The following BAZ2B variants were observed in gnomAD, a reference collection of about 807,000 sequenced individuals.
The protein encoded by BAZ2B is bromodomain adjacent to zinc finger domain 2B.
A neutral mutation model predicts 246.0 loss-of-function variants in BAZ2B; 91 were observed. The observed-to-expected ratio is 0.37, with a 90% CI of 0.31 to 0.44. The LOEUF (loss-of-function observed/expected upper bound fraction) is 0.44, where lower values mean the gene tolerates loss of function less well. Among genes scored for constraint, BAZ2B ranks in the 20% least tolerant of loss-of-function variants. BAZ2B has a pLI of 1.00. For synonymous variants in BAZ2B, 855 were observed against 860.0 expected, an observed-to-expected ratio of 0.99 and a Z score of 0.10; for missense variants, 2,332 against 2,533.7, an observed-to-expected ratio of 0.92 and a Z score of 1.71.
intron 1 of BAZ2B, among the ~76,000 whole-genome samples, chr2:159,572,696 TATAG>T (rs1471344764): frequency 3.3e-5 from 5 of 152,208 alleles, no homozygotes; most frequent in Non-Finnish European, 7.3e-5. Flanking sequence ...AATTTTTCCA[TATAG>T]ATAGTGCTTG....
the BAZ2B span, among the ~76,000 whole-genome samples, chr2:159,679,204 G>A: frequency 1.1e-4 from 17 of 148,878 alleles, no homozygotes; most frequent in African/African-American, 2.3e-4. Flanking sequence ...GCTGGGAGGC[G>A]GAGCTTGCAA....
intron 6 of BAZ2B, among the ~76,000 whole-genome samples, chr2:159,440,455 G>A (rs1389447460): frequency 6.7e-6 from 1 of 150,072 alleles, no homozygotes; most frequent in Admixed American, 6.6e-5. Flanking sequence ...ATTGATTCAG[G>A]TAACATTCAT....
intron 2 of BAZ2B, among the ~76,000 whole-genome samples, chr2:159,485,634 G>A (rs975606293): frequency 1.3e-5 from 2 of 152,088 alleles, no homozygotes; most frequent in South Asian, 2.1e-4. Flanking sequence ...AAAAAATTAT[G>A]AGATTGAATT....
At chr2:159,634,039 C>T in the BAZ2B span, among the ~76,000 whole-genome samples, 1 of 152,064 alleles carries the variant, frequency 6.6e-6, no homozygotes, top group African/African-American at 2.4e-5. Context: ...CGTGCCCAGC[C>T]ATATTTTCAC....
At chr2:159,333,698 A>C (rs4665058) in intron 33 of BAZ2B, among the ~76,000 whole-genome samples, 137,975 of 152,102 alleles carry the variant, frequency 0.91, 63,584 homozygotes, top group Middle Eastern at 0.99. Context: ...AAAATAGCTT[A>C]ACTGTTCCAA....
At chr2:159,646,777 T>C in the BAZ2B span, among the ~76,000 whole-genome samples, 1 of 152,074 alleles carries the variant, frequency 6.6e-6, no homozygotes, top group Non-Finnish European at 1.5e-5. Context: ...GGCTTAAAAA[T>C]TCTACTTACT....
intron 3 of BAZ2B, among the ~76,000 whole-genome samples, chr2:159,475,014 G>A (rs1385020713): frequency 6.6e-6 from 1 of 152,140 alleles, no homozygotes; most frequent in East Asian, 1.9e-4. Context: ...CAACCTTGGT[G>A]AATCTGACGA....
At chr2:159,488,659 A>G (rs1260397875) in intron 2 of BAZ2B, among the ~76,000 whole-genome samples, 2 of 152,176 alleles carry the variant, frequency 1.3e-5, no homozygotes, top group Non-Finnish European at 2.9e-5. Context: ...AATTTTCCAC[A>G]TTAAAAAATA....
At chr2:159,468,147 G>A (rs2077318319) in intron 3 of BAZ2B, among the ~76,000 whole-genome samples, 1 of 152,174 alleles carries the variant, frequency 6.6e-6, no homozygotes, top group Non-Finnish European at 1.5e-5. Context: ...ATCTACTCTT[G>A]AAAAGCAGAG....
chr2:159,488,182 T>C (rs1032686075), intron 2 of BAZ2B, among the ~76,000 whole-genome samples: 6 of 152,122 alleles, frequency 3.9e-5, no homozygotes, highest in Non-Finnish European at 8.8e-5. Context: ...CAGTAATTCT[T>C]CCGCTTCAGC....
intron 2 of BAZ2B, among the ~76,000 whole-genome samples, chr2:159,499,104 A>G (rs2081446093): frequency 6.6e-6 from 1 of 152,166 alleles, no homozygotes; most frequent in South Asian, 2.1e-4. Context: ...GGTCTGCTGC[A>G]CAGATCAACC....
At chr2:159,395,549 T>C in intron 20 of BAZ2B, 1 of 370,884 alleles carries the variant, frequency 2.7e-6, no homozygotes. Context: ...AAAAAGACAA[T>C]TAAAATCTTA....
At chr2:159,633,605 G>A in the BAZ2B span, among the ~76,000 whole-genome samples, 123 of 152,094 alleles carry the variant, frequency 8.1e-4, no homozygotes, top group Middle Eastern at 0.044. Flanking sequence ...GTCTTTTTTA[G>A]GGTCATGGGG....
At chr2:159,426,244 A>C (rs1215201559) in intron 13 of BAZ2B, among the ~76,000 whole-genome samples, 1 of 152,168 alleles carries the variant, frequency 6.6e-6, no homozygotes, top group African/African-American at 2.4e-5. Flanking sequence ...ATGAGGCTTT[A>C]TAGATTAGGT....
chr2:159,700,636 A>T, the BAZ2B span, among the ~76,000 whole-genome samples: 1 of 152,094 alleles, frequency 6.6e-6, no homozygotes, highest in South Asian at 2.1e-4. Context: ...TTGTAGAGAC[A>T]GGGTTTCACC....
At chr2:159,507,979 T>C (rs1405514481) in intron 2 of BAZ2B, among the ~76,000 whole-genome samples, 1 of 152,186 alleles carries the variant, frequency 6.6e-6, no homozygotes, top group East Asian at 1.9e-4. Context: ...CAAGTGATTC[T>C]TGTGCCTCAG....
intron 35 of BAZ2B, 146 bp from the exon 36 acceptor site, chr2:159,325,100 ATATATATATATATATTTT>A (rs2063428642): frequency 1.2e-3 from 4 of 3,318 alleles, no homozygotes; most frequent in African/African-American, 4.1e-3. Context: ...TATTATATAT[ATATATATATATATATTTT>A]ATATATATAT....
chr2:159,589,436 A>G (rs1429892118), intron 1 of BAZ2B, among the ~76,000 whole-genome samples: 2 of 152,214 alleles, frequency 1.3e-5, no homozygotes, highest in Non-Finnish European at 2.9e-5. Context: ...AAAATGCCAA[A>G]GCTGATGCTT....
chr2:159,670,183 C>T, the BAZ2B span, among the ~76,000 whole-genome samples: 3 of 152,128 alleles, frequency 2.0e-5, no homozygotes, highest in Admixed American at 2.0e-4. Context: ...GTTGGCCACG[C>T]TGGTCTCAAA....
Sources: gnomAD v4.1 joint callset for allele counts (sites outside exome capture counted in the v4.1 genomes callset) on GRCh38, gnomAD v4.1.1 for gene constraint, MANE v1.5 for transcripts, NCBI Gene and HGNC (gene_info 2026-07-23, HGNC 2026-07-21) for gene names.